PSMG2: variants seen among roughly 807,000 people sequenced by gnomAD.
PSMG2 encodes the protein proteasome assembly chaperone 2.
In PSMG2, 21 loss-of-function variants were observed where a neutral mutation model predicts 31.5. The ratio of observed to expected loss-of-function variants is 0.67; its 90% CI spans 0.47 to 0.96. The LOEUF (loss-of-function observed/expected upper bound fraction) is 0.96, where lower values mean the gene tolerates loss of function less well. Among genes scored for constraint, PSMG2 ranks in the 40% least tolerant of loss-of-function variants. PSMG2 has a pLI of 0.00. For missense variants in PSMG2, 318 were observed against 321.2 expected (o/e 0.99, Z 0.08); for synonymous variants, 120 against 110.4 (o/e 1.09, Z -0.54).
intron 1 of PSMG2, among the ~76,000 whole-genome samples, chr18:12,693,975 G>A (rs985128389): frequency 1.3e-5 from 2 of 152,080 alleles, no homozygotes; most frequent in African/African-American, 2.4e-5. Flanking sequence ...GGGACTACAA[G>A]TATGTACCAC....
intron 4 of PSMG2, 133 bp downstream of exon 4, chr18:12,718,768 GAGA>G: frequency 1.8e-6 from 1 of 566,032 alleles, no homozygotes. Context: ...AGGGGGGTAA[GAGA>G]AGGTCAGGAG....
intron 6 of PSMG2, chr18:12,724,823 G>GTAGGAA (rs1159849573): frequency 2.2e-5 from 11 of 498,068 alleles, no homozygotes; most frequent in Non-Finnish European, 3.5e-5. Flanking sequence ...CATTAAAGCT[G>GTAGGAA]ACTTTCCAAA....
upstream of PSMG2, chr18:12,702,536 G>A: frequency 1.2e-6 from 2 of 1,607,486 alleles, no homozygotes; most frequent in Non-Finnish European, 1.7e-6. Context: ...GCTTTCTCCG[G>A]AGGCAGCGAC....
intron 1 of PSMG2, among the ~76,000 whole-genome samples, chr18:12,682,169 T>G (rs1483463961): frequency 6.6e-6 from 1 of 152,128 alleles, no homozygotes; most frequent in Non-Finnish European, 1.5e-5. Flanking sequence ...TTTCTTTTTT[T>G]TTTCCTCTCT....
chr18:12,668,562 C>T (rs1272557997), intron 1 of PSMG2, among the ~76,000 whole-genome samples: 3 of 126,828 alleles, frequency 2.4e-5, no homozygotes, highest in Non-Finnish European at 4.7e-5. Flanking sequence ...TGCACCACTG[C>T]ACTCCAGCCT....
At position 12,714,533 on chromosome 18, in the gene PSMG2, A is replaced by G. The variant is rs1598683865; in HGVS notation, c.288+1773A>G. Reference sequence around the variant, plus strand: ...GAAACAGGGTCTCTCTTGCTCTGTCACCCAGGCTGGAATGCAGTGGCGTGA... The same window carrying G: ...GAAACAGGGTCTCTCTTGCTCTGTCGCCCAGGCTGGAATGCAGTGGCGTGA... On this transcript the variant is annotated intron_variant, in intron 3 of 6. Transcript: ENST00000317615. Among the ~76,000 whole-genome samples the G allele has an allele frequency of 1.4e-5, 2 of 140,220 alleles. 1 individual carries two copies. The highest frequency in any genetic ancestry group is 4.4e-4 in the South Asian group (2 of 4,516). 92.0% of individuals were successfully genotyped at this position (140,220 alleles called of 152,430 possible). A position where few individuals can be genotyped will look rare whatever the true frequency, so the allele number is the denominator to read the frequency against.
chr18:12,721,248 T>G (rs1041457997), intron 5 of PSMG2, among the ~76,000 whole-genome samples: 2 of 152,224 alleles, frequency 1.3e-5, no homozygotes, highest in African/African-American at 4.8e-5. Context: ...GGGGAAAGAT[T>G]TAAACTTGGT....
chr18:12,697,202 A>C, intron 1 of PSMG2: 1 of 1,526,102 alleles, frequency 6.6e-7, no homozygotes, highest in East Asian at 2.3e-5. Flanking sequence ...AAGGTTAACA[A>C]TGATATATTA....
intron 1 of PSMG2, among the ~76,000 whole-genome samples, chr18:12,665,952 C>G (rs143018747): frequency 1.3e-5 from 2 of 152,252 alleles, no homozygotes; most frequent in African/African-American, 4.8e-5. Flanking sequence ...ACCCTGGCCT[C>G]CCAAAGTGCT....
At chr18:12,700,920 AT>A, upstream of PSMG2, 3 of 752,140 alleles carry the variant, frequency 4.0e-6, no homozygotes, top group Non-Finnish European at 6.1e-6. Context: ...TAGTATATAC[AT>A]ATATACTCTC....
intron 1 of PSMG2, among the ~76,000 whole-genome samples, chr18:12,705,327 G>T (rs2040253709): frequency 6.6e-6 from 1 of 152,118 alleles, no homozygotes; most frequent in Non-Finnish European, 1.5e-5. Context: ...GCCTCCCAAA[G>T]TGCTGGGATT....
chr18:12,695,051 T>G (rs2039903392), intron 1 of PSMG2, among the ~76,000 whole-genome samples: 1 of 152,184 alleles, frequency 6.6e-6, no homozygotes, highest in Non-Finnish European at 1.5e-5. Context: ...GTTCATCGTA[T>G]TTCCTAAACT....
intron 4 of PSMG2, among the ~76,000 whole-genome samples, chr18:12,720,081 C>T (rs1400234984): frequency 6.6e-6 from 1 of 152,092 alleles, no homozygotes; most frequent in Non-Finnish European, 1.5e-5. Flanking sequence ...GAGTCTCACT[C>T]TGTCACCCAG....
intron 1 of PSMG2, among the ~76,000 whole-genome samples, chr18:12,659,542 C>T (rs559632893): frequency 4.5e-4 from 68 of 152,108 alleles, no homozygotes; most frequent in African/African-American, 1.4e-3. Context: ...TGGTGACGCA[C>T]GCTTGTAATC....
In PSMG2 at chr18:12,725,577, C is replaced by T. The variant is rs367766905; in HGVS notation, c.*46C>T. 7.1e-7 allele frequency: 1 copy of T among 1,405,068 alleles called. No individual in the cohort carries two copies. Among genetic ancestry groups the T allele is most frequent in the Admixed American group, 1.9e-5 (1 of 52,534 alleles). The allele number at this position is 1,405,068 out of a possible 1,614,324, so 87.0% of individuals were successfully genotyped here. ...TTATACCCAAAACACTTACTACCAA[C>T]ACAGCTGTTAAACATTCTATACAAA... On this transcript the variant is annotated 3_prime_UTR_variant, in exon 7 of 7. Coordinates refer to ENST00000317615, the MANE Select transcript of PSMG2 (RefSeq NM_020232.5).
chr18:12,661,592 T>G (rs1739040178), intron 1 of PSMG2, among the ~76,000 whole-genome samples: 2 of 151,896 alleles, frequency 1.3e-5, no homozygotes, highest in African/African-American at 4.8e-5. Context: ...GCCAACATGG[T>G]GAAACCTCGT....
At chr18:12,680,934 C>T (rs1163980050) in intron 1 of PSMG2, 5 of 1,064,926 alleles carry the variant, frequency 4.7e-6, no homozygotes, top group East Asian at 2.7e-5. Flanking sequence ...CACAGTGGCT[C>T]ACGCCTGTAA....
At chr18:12,688,576 G>A (rs2039631181) in intron 1 of PSMG2, among the ~76,000 whole-genome samples, 2 of 152,016 alleles carry the variant, frequency 1.3e-5, no homozygotes, top group Admixed American at 6.6e-5. Context: ...TTTTATTACA[G>A]CAATATTCTA....
At chr18:12,666,844 T>C (rs2038814636) in intron 1 of PSMG2, among the ~76,000 whole-genome samples, 1 of 152,188 alleles carries the variant, frequency 6.6e-6, no homozygotes, top group Non-Finnish European at 1.5e-5. Context: ...CAATCAGGTT[T>C]ATCAAAACTG....
Sources: gnomAD v4.1 joint callset for allele counts (sites outside exome capture counted in the v4.1 genomes callset) on GRCh38, gnomAD v4.1.1 for gene constraint, MANE v1.5 for transcripts, NCBI Gene and HGNC (gene_info 2026-07-23, HGNC 2026-07-21) for gene names.